EIF3M: variants seen among roughly 807,000 people sequenced by gnomAD.
The protein encoded by EIF3M is B5 receptor.
EIF3M carries 25 observed loss-of-function variants against 49.7 expected under a neutral mutation model. The observed-to-expected ratio is 0.50, with a 90% confidence interval of 0.37 to 0.70. The LOEUF is 0.70. Among genes scored for constraint, EIF3M ranks in the 30% least tolerant of loss-of-function variants. EIF3M has a pLI of 0.00. For missense variants in EIF3M, 350 were observed against 440.0 expected (o/e 0.80, Z 1.83); for synonymous variants, 156 against 149.8 (o/e 1.04, Z -0.30).
At chr11:32,590,932 G>A (rs1855090767) in intron 5 of EIF3M, among the ~76,000 whole-genome samples, 1 of 151,772 alleles carries the variant, frequency 6.6e-6, no homozygotes, top group East Asian at 1.9e-4. Context: ...CTCACTGCGA[G>A]CTCCACCTCC....
At chr11:32,602,098 G>C (rs1259489205) in intron 10 of EIF3M, 181 bp from the exon 11 acceptor site, 1 of 1,029,154 alleles carries the variant, frequency 9.7e-7, no homozygotes, top group African/African-American at 1.6e-5. Flanking sequence ...AGAATTAGAA[G>C]GCTTAGGATC....
At chr11:32,590,062 G>A (rs773741618) in intron 5 of EIF3M, among the ~76,000 whole-genome samples, 146 of 152,192 alleles carry the variant, frequency 9.6e-4, no homozygotes, top group Non-Finnish European at 1.1e-3. Context: ...TAGACCCAGC[G>A]AGCCTATGTC....
intron 6 of EIF3M, 154 bp downstream of exon 6, chr11:32,594,103 A>T: frequency 2.3e-6 from 1 of 441,470 alleles, no homozygotes. Context: ...TAGATACTAA[A>T]ATTCAAGGTT....
intron 10 of EIF3M, 103 bp from the exon 11 acceptor site, chr11:32,602,176 A>G: frequency 1.4e-6 from 2 of 1,438,334 alleles, no homozygotes; most frequent in South Asian, 1.3e-5. Flanking sequence ...TAAATTAGGT[A>G]TATTTAATCT....
chr11:32,593,494 C>T (rs1229776173), intron 5 of EIF3M, among the ~76,000 whole-genome samples: 1 of 152,146 alleles, frequency 6.6e-6, no homozygotes, highest in Admixed American at 6.5e-5. Flanking sequence ...TCTTACCCCA[C>T]CTTTCATGAA....
chr11:32,588,059 T>C (rs1377445980), intron 2 of EIF3M, among the ~76,000 whole-genome samples: 3 of 152,172 alleles, frequency 2.0e-5, no homozygotes, highest in Non-Finnish European at 4.4e-5. Context: ...ATTGAAACTT[T>C]ATATACATGT....
intron 5 of EIF3M, among the ~76,000 whole-genome samples, chr11:32,590,433 G>A (rs1855082044): frequency 6.6e-6 from 1 of 152,142 alleles, no homozygotes; most frequent in Non-Finnish European, 1.5e-5. Flanking sequence ...TCATGTCTCT[G>A]CCAGAAACAC....
In EIF3M at chr11:32,589,477, A is replaced by G. The variant is rs907592907; in HGVS notation, c.439-70A>G. 4 of 1,477,998 alleles carry G rather than the reference A, an allele frequency of 2.7e-6. No homozygotes were observed. The Admixed American group carries it at 5.2e-5, about 19-fold the overall frequency. The allele number at this position is 1,477,998 out of a possible 1,614,324, so 91.6% of individuals were successfully genotyped here. ...TAGGCGTGAGCCACCACGCCCAGCC[A>G]GAAATGTACTTTTATATGTTATACT... On this transcript the variant is annotated intron_variant, in intron 4 of 10. Transcript: ENST00000531120.
At chr11:32,590,654 T>C (rs1428396644) in intron 5 of EIF3M, among the ~76,000 whole-genome samples, 1 of 152,230 alleles carries the variant, frequency 6.6e-6, no homozygotes, top group African/African-American at 2.4e-5. Context: ...GATACTTGTT[T>C]AAACACGACA....
chr11:32,595,958 C>T lies in EIF3M; in HGVS notation c.718-8C>T, dbSNP rs766663936. 15 of 1,560,848 alleles carry T rather than the reference C, an allele frequency of 9.6e-6. No individual in the cohort carries two copies. The highest frequency in any genetic ancestry group is 4.1e-5 in the Admixed American group (2 of 48,544). On this transcript the variant is annotated splice_region_variant and splice_polypyrimidine_tract_variant and intron_variant, in intron 7 of 10. Coordinates refer to ENST00000531120, the MANE Select transcript of EIF3M (RefSeq NM_006360.6). ...TGATGGTATCTTTTTTGTCTCTTAT[C>T]TGTATAGCTTTTAACCATTTTTGTG... is the stretch of plus-strand genomic sequence containing the variant.
chr11:32,595,958 C>A lies in EIF3M; in HGVS notation c.718-8C>A. On this transcript the variant is annotated splice_region_variant and splice_polypyrimidine_tract_variant and intron_variant, in intron 7 of 10. Coordinates refer to ENST00000531120, the MANE Select transcript of EIF3M (RefSeq NM_006360.6). Reference sequence around the variant, plus strand: ...TGATGGTATCTTTTTTGTCTCTTATCTGTATAGCTTTTAACCATTTTTGTG... The same window carrying A: ...TGATGGTATCTTTTTTGTCTCTTATATGTATAGCTTTTAACCATTTTTGTG... 6.4e-7 allele frequency: 1 copy of A among 1,560,976 alleles called. No individual in the cohort carries two copies. Among genetic ancestry groups the A allele is most frequent in the Non-Finnish European group, 8.6e-7 (1 of 1,158,732 alleles).
At chr11:32,595,909 T>G (rs1413759523) in intron 7 of EIF3M, 57 bp from the exon 8 acceptor site, 2 of 1,232,744 alleles carry the variant, frequency 1.6e-6, no homozygotes, top group East Asian at 2.6e-5. Context: ...TTAGAATATC[T>G]TACAATAAAT....
chr11:32,596,600 CAAAAAAAAAAAA>C (rs35206274), intron 8 of EIF3M, among the ~76,000 whole-genome samples: 1 of 116,394 alleles, frequency 8.6e-6, no homozygotes, highest in African/African-American at 3.2e-5. Flanking sequence ...GAGTCTGTCT[CAAAAAAAAAAAA>C]AAAAAAAAGA....
chr11:32,599,293 A>T (rs1432624677), intron 8 of EIF3M, among the ~76,000 whole-genome samples: 1 of 151,992 alleles, frequency 6.6e-6, no homozygotes, highest in Non-Finnish European at 1.5e-5. Flanking sequence ...AATGTGCACT[A>T]ATTGATTTCT....
intron 4 of EIF3M, among the ~76,000 whole-genome samples, 167 bp from the exon 5 acceptor site, chr11:32,589,380 T>A (rs1267975267): frequency 6.6e-6 from 1 of 152,058 alleles, no homozygotes; most frequent in East Asian, 1.9e-4. Flanking sequence ...TTCTCTATGT[T>A]GGTCAGGCTG....
chr11:32,587,180 A>C, intron 2 of EIF3M, 36 bp downstream of exon 2: 1 of 1,525,744 alleles, frequency 6.6e-7, no homozygotes, highest in South Asian at 1.3e-5. Context: ...TTTCCTAATA[A>C]AATCTTTTAA....
chr11:32,585,903 T>C (rs542019499), intron 1 of EIF3M, among the ~76,000 whole-genome samples: 2 of 152,278 alleles, frequency 1.3e-5, no homozygotes, highest in South Asian at 4.1e-4. Flanking sequence ...ATGGTATCCT[T>C]TCATATTCCT....
At chr11:32,601,075 T>C (rs905642856) in intron 9 of EIF3M, 10 of 300,812 alleles carry the variant, frequency 3.3e-5, no homozygotes, top group Middle Eastern at 1.0e-3. Flanking sequence ...ACCACTGTGG[T>C]TAAGAGCACA....
chr11:32,595,984 A>G lies in EIF3M; in HGVS notation c.736A>G (p.Ser246Gly). ...TGTATAGCTTTTAACCATTTTTGTG[A>G]GTGCTAAATTGGCATCATATGTCAA... ...LIHDLLTIFV[S>G]AKLASYVKFY... The change falls in exon 8 of 11, where the codon AGT becomes GGT. Residue 246 changes from serine to glycine, a missense_variant. Transcript: ENST00000531120. The G allele has an allele frequency of 6.4e-7, 1 of 1,573,432 alleles. No homozygotes were observed. The highest frequency in any genetic ancestry group is 8.6e-7 in the Non-Finnish European group (1 of 1,167,776).
Sources: allele counts gnomAD v4.1 joint callset (sites outside exome capture counted in the v4.1 genomes callset), GRCh38; gene constraint gnomAD v4.1.1; transcripts MANE v1.5; gene names NCBI Gene and HGNC (gene_info 2026-07-23, HGNC 2026-07-21).